The following SMC1B variants were observed in gnomAD, a reference collection of about 807,000 sequenced individuals.
SMC1B encodes structural maintenance of chromosomes 1B, also known as structural maintenance of chromosomes protein 1B.
A neutral mutation model predicts 157.9 loss-of-function variants in SMC1B; 60 were observed. The ratio of observed to expected loss-of-function variants is 0.38; its 90% CI spans 0.31 to 0.47. SMC1B has a LOEUF of 0.47. Ranked by LOEUF, SMC1B falls within the 20% of genes least tolerant of loss-of-function variation. SMC1B has a pLI of 0.99. For synonymous variants in SMC1B, 445 were observed against 483.0 expected (o/e 0.92, Z 1.03); for missense variants, 1,165 against 1,426.2 (o/e 0.82, Z 2.95).
At chr22:45,361,667 TCTC>T (rs1352591343) in intron 17 of SMC1B, among the ~76,000 whole-genome samples, 169 bp downstream of exon 17, 5 of 152,046 alleles carry the variant, frequency 3.3e-5, no homozygotes, top group East Asian at 3.8e-4. Context: ...ACTAACCACT[TCTC>T]CTGGTTGAGA....
chr22:45,356,719 TTTC>T (rs1479127549), intron 19 of SMC1B, among the ~76,000 whole-genome samples: 8 of 151,134 alleles, frequency 5.3e-5, no homozygotes, highest in African/African-American at 2.0e-4. Flanking sequence ...ATACTTAATT[TTTC>T]TTTTCTTTTT....
chr22:45,372,495 A>C (rs1349310386), intron 12 of SMC1B, among the ~76,000 whole-genome samples: 4 of 152,186 alleles, frequency 2.6e-5, no homozygotes, highest in African/African-American at 9.7e-5. Flanking sequence ...CCTCAAAAAA[A>C]CTAACAGTGC....
chr22:45,364,057 C>T (rs2146781932), intron 15 of SMC1B, among the ~76,000 whole-genome samples: 1 of 152,228 alleles, frequency 6.6e-6, no homozygotes, highest in East Asian at 1.9e-4. Flanking sequence ...CCATGTTGGC[C>T]AGGCTGGTCT....
intron 17 of SMC1B, 144 bp from the exon 18 acceptor site, chr22:45,360,102 G>C (rs2086707088): frequency 1.6e-6 from 1 of 631,522 alleles, no homozygotes; most frequent in Non-Finnish European, 2.7e-6. Flanking sequence ...TCTCATTGAT[G>C]CTTGTAATTT....
chr22:45,344,732 A>C (rs563206740), intron 24 of SMC1B, 75 bp from the exon 25 acceptor site: 1 of 933,980 alleles, frequency 1.1e-6, no homozygotes, highest in South Asian at 1.4e-5. Context: ...GCCATTAGTG[A>C]GTCTAGAATT....
At chr22:45,353,245 G>C (rs374704201) in intron 21 of SMC1B, among the ~76,000 whole-genome samples, 1 of 124,834 alleles carries the variant, frequency 8.0e-6, no homozygotes, top group East Asian at 2.3e-4. Context: ...CTGGGCAACA[G>C]AGGGAAACTC....
chr22:45,359,727 C>A (rs2086702660), intron 18 of SMC1B, 78 bp downstream of exon 18: 1 of 1,481,036 alleles, frequency 6.8e-7, no homozygotes, highest in South Asian at 1.3e-5. Context: ...GGCTACAGAA[C>A]AAGAGAAAGA....
chr22:45,347,615 TC>T (rs1390447476), intron 23 of SMC1B, among the ~76,000 whole-genome samples: 1 of 152,190 alleles, frequency 6.6e-6, no homozygotes, highest in Admixed American at 6.6e-5. Context: ...TTTCTTTTTT[TC>T]TTTTTAAATT....
chr22:45,408,640 A>G, intron 2 of SMC1B, 70 bp downstream of exon 2: 2 of 1,111,512 alleles, frequency 1.8e-6, no homozygotes, highest in African/African-American at 3.2e-5. Context: ...ATACCCTCCA[A>G]AGAAAGAAAA....
chr22:45,370,865 AAG>A (rs2086824495), intron 14 of SMC1B, among the ~76,000 whole-genome samples: 1 of 152,256 alleles, frequency 6.6e-6, no homozygotes, highest in African/African-American at 2.4e-5. Context: ...TAACCTGGAA[AAG>A]AGATAACTAA....
intron 19 of SMC1B, 80 bp downstream of exon 19, chr22:45,358,617 C>CTTT (rs1335297110): frequency 2.3e-6 from 2 of 879,572 alleles, no homozygotes; most frequent in East Asian, 2.7e-5. Context: ...AAACTTAATT[C>CTTT]TATCATCCAA....
At chr22:45,395,474 T>C (rs2087112143) in intron 7 of SMC1B, among the ~76,000 whole-genome samples, 1 of 152,232 alleles carries the variant, frequency 6.6e-6, no homozygotes, top group Non-Finnish European at 1.5e-5. Flanking sequence ...TGGACACAAT[T>C]AGAATCCTGC....
At chr22:45,382,220 G>C (rs1198504166) in intron 12 of SMC1B, among the ~76,000 whole-genome samples, 1 of 152,042 alleles carries the variant, frequency 6.6e-6, no homozygotes, top group Non-Finnish European at 1.5e-5. Flanking sequence ...GATTAAATTT[G>C]GCTACATAAA....
intron 1 of SMC1B, among the ~76,000 whole-genome samples, chr22:45,409,497 G>A (rs954830594): frequency 6.6e-5 from 10 of 151,818 alleles, no homozygotes; most frequent in Non-Finnish European, 1.2e-4. Flanking sequence ...CCTAGGAGGC[G>A]GTGGTTGCAG....
chr22:45,413,054 G>A (rs1035823448), intron 1 of SMC1B, among the ~76,000 whole-genome samples: 1 of 105,840 alleles, frequency 9.4e-6, no homozygotes, highest in Non-Finnish European at 1.8e-5. Flanking sequence ...AGGACCCCCA[G>A]GGTGGGGGGC....
At chr22:45,377,993 C>T (rs1032629141) in intron 12 of SMC1B, among the ~76,000 whole-genome samples, 2 of 152,082 alleles carry the variant, frequency 1.3e-5, no homozygotes, top group African/African-American at 4.8e-5. Context: ...TGCATGCCAC[C>T]ACTCCTGGCT....
intron 2 of SMC1B, 114 bp downstream of exon 2, chr22:45,408,596 A>T (rs2087291661): frequency 7.8e-6 from 5 of 640,154 alleles, no homozygotes; most frequent in Non-Finnish European, 1.3e-5. Context: ...AGAAAAAAGA[A>T]CTCTAGTTCA....
chr22:45,389,634 T>A (rs888371639), intron 10 of SMC1B, 78 bp downstream of exon 10: 1 of 1,300,482 alleles, frequency 7.7e-7, no homozygotes, highest in East Asian at 2.3e-5. Context: ...ATCACTATCA[T>A]AGTTTTAGGC....
intron 6 of SMC1B, among the ~76,000 whole-genome samples, chr22:45,396,801 A>G (rs1188011797): frequency 6.6e-6 from 1 of 152,056 alleles, no homozygotes. Context: ...TCAAGTGTTT[A>G]TCTTATTATT....
Sources: gnomAD v4.1 joint callset for allele counts (sites outside exome capture counted in the v4.1 genomes callset) on GRCh38, gnomAD v4.1.1 for gene constraint, MANE v1.5 for transcripts, NCBI Gene and HGNC (gene_info 2026-07-23, HGNC 2026-07-21) for gene names.